The following RRBP1 variants were observed in gnomAD, a reference collection of about 807,000 sequenced individuals.
RRBP1 encodes the protein ribosome binding protein 1.
A neutral mutation model predicts 165.2 loss-of-function variants in RRBP1; 94 were observed. The observed-to-expected ratio is 0.57, with a 90% CI of 0.48 to 0.68. The LOEUF (loss-of-function observed/expected upper bound fraction) is 0.68, where lower values mean the gene tolerates loss of function less well. Ranked by LOEUF, RRBP1 falls within the 30% of genes least tolerant of loss-of-function variation. RRBP1 has a pLI of 0.00. For missense variants in RRBP1, 1,676 were observed against 1,763.0 expected, an observed-to-expected ratio of 0.95 and a Z score of 0.88; for synonymous variants, 680 against 714.5, an observed-to-expected ratio of 0.95 and a Z score of 0.77.
chr20:17,633,486 A>G lies in RRBP1; in HGVS notation c.2584T>C (p.Phe862Leu), dbSNP rs758061276. ...RKALEAKAAA[F>L]EKQVLQLQAS... ...TGCAGCTGCAGGACCTGCTTCTCGA[A>G]GGCAGCTGCCTTGGCTTCCAGAGCT... Residue 862 changes from phenylalanine (F) to leucine (L), a missense_variant, in exon 8 of 25, where the codon TTC becomes CTC. Transcript: ENST00000377813. 2.5e-6 allele frequency: 4 copies of G among 1,613,734 alleles called. No homozygotes were observed. Among genetic ancestry groups the G allele is most frequent in the Admixed American group, 1.7e-5 (1 of 60,002 alleles).
At chr20:17,679,547 A>C (rs1003716807) in intron 2 of RRBP1, among the ~76,000 whole-genome samples, 1 of 152,370 alleles carries the variant, frequency 6.6e-6, no homozygotes, top group East Asian at 1.9e-4. Context: ...AAAGACAAGA[A>C]GAGTCTGGGG....
At chr20:17,633,832 C>G (rs1156335229) in intron 7 of RRBP1, among the ~76,000 whole-genome samples, 3 of 152,244 alleles carry the variant, frequency 2.0e-5, no homozygotes, top group African/African-American at 7.2e-5. Context: ...CCAGAGACAG[C>G]ATAGAGCAAA....
chr20:17,632,838 CCCCTGGGGACAGGGGGACAATCTTCCT>C (rs1486754782), intron 8 of RRBP1, among the ~76,000 whole-genome samples: 3 of 152,128 alleles, frequency 2.0e-5, no homozygotes, highest in Non-Finnish European at 4.4e-5. Context: ...TGCCCGTGTC[CCCCTGGGGACAGGGGGACAATCTTCCT>C]CCCTCTGAAG....
chr20:17,650,841 G>C (rs538879331), intron 3 of RRBP1, among the ~76,000 whole-genome samples: 1 of 152,164 alleles, frequency 6.6e-6, no homozygotes, highest in Non-Finnish European at 1.5e-5. Flanking sequence ...CCAGGTGGGA[G>C]GCAAACCAGC....
Position 17,627,692 on chromosome 20 carries a change from A to G in RRBP1, c.2750-10T>C, listed in dbSNP as rs1391146977. Reference sequence around the variant, plus strand: ...AACTTGCTGTGCAGCTCTGGTGCAGAGGAAGGGAAACGAGAAGTTAAGAGA... The same window carrying G: ...AACTTGCTGTGCAGCTCTGGTGCAGGGGAAGGGAAACGAGAAGTTAAGAGA... On this transcript the variant is annotated splice_polypyrimidine_tract_variant and intron_variant, in intron 9 of 24. Coordinates refer to ENST00000377813, the MANE Select transcript of RRBP1 (RefSeq NM_001365613.2). 3 of 1,577,018 alleles carry G rather than the reference A, an allele frequency of 1.9e-6. No individual in the cohort carries two copies. Among genetic ancestry groups the G allele is most frequent in the Non-Finnish European group, 2.6e-6 (3 of 1,160,090 alleles).
Position 17,629,830 on chromosome 20 carries a change from C to T in RRBP1, c.2742G>A (p.Gln914=), listed in dbSNP as rs2036112652. 3 of 1,597,560 alleles carry T rather than the reference C, an allele frequency of 1.9e-6. No individual in the cohort carries two copies. The highest frequency in any genetic ancestry group is 3.3e-5 in the Admixed American group (2 of 59,928). Reference sequence around the variant, plus strand: ...CACTGCCGCCGCCCTTACCGGCCATCTGCTGCTGTTGCTCCTGGGCCTTCT... The same window carrying T: ...CACTGCCGCCGCCCTTACCGGCCATTTGCTGCTGTTGCTCCTGGGCCTTCT... ...DAEKAQEQQQ[Q]MAELHSKLQS... Residue 914 remains glutamine (Q), a synonymous_variant, in exon 9 of 25, where the codon CAG becomes CAA. Transcript: ENST00000377813.
chr20:17,673,748 C>G (rs1600190675), intron 2 of RRBP1, among the ~76,000 whole-genome samples: 1 of 152,132 alleles, frequency 6.6e-6, no homozygotes, highest in East Asian at 1.9e-4. Context: ...CAGAATAAGT[C>G]TCCAGATCTT....
At chr20:17,618,734 C>A (rs1282445340) in intron 19 of RRBP1, 55 bp from the exon 20 acceptor site, 1 of 1,393,610 alleles carries the variant, frequency 7.2e-7, no homozygotes. Context: ...AAGGAGAAAA[C>A]CAGTCCCCGT....
chr20:17,680,406 G>T (rs1397928246), intron 1 of RRBP1, among the ~76,000 whole-genome samples: 1 of 152,140 alleles, frequency 6.6e-6, no homozygotes, highest in East Asian at 1.9e-4. Flanking sequence ...CCAAATTCCT[G>T]AAAATGCCAT....
chr20:17,664,371 A>G (rs1253487053), intron 2 of RRBP1, among the ~76,000 whole-genome samples: 1 of 152,244 alleles, frequency 6.6e-6, no homozygotes, highest in Non-Finnish European at 1.5e-5. Context: ...TTTCCATTTA[A>G]TATTGTCAGA....
chr20:17,640,368 G>T (rs1430574965), intron 5 of RRBP1, among the ~76,000 whole-genome samples: 1 of 152,242 alleles, frequency 6.6e-6, no homozygotes, highest in African/African-American at 2.4e-5. Context: ...GAGAGCCCCA[G>T]AGGAGTCACG....
chr20:17,647,959 G>T (rs548559175), intron 3 of RRBP1, among the ~76,000 whole-genome samples: 1 of 152,194 alleles, frequency 6.6e-6, no homozygotes. Context: ...CAGGTCTGCT[G>T]TAAGAAGGTG....
At chr20:17,655,333 G>A (rs1248638725) in intron 3 of RRBP1, among the ~76,000 whole-genome samples, 4 of 152,162 alleles carry the variant, frequency 2.6e-5, no homozygotes, top group African/African-American at 4.8e-5. Context: ...GACTTTTGAA[G>A]AGAAAACTAC....
intron 3 of RRBP1, among the ~76,000 whole-genome samples, chr20:17,654,923 G>C (rs547630627): frequency 6.6e-6 from 1 of 152,274 alleles, no homozygotes; most frequent in East Asian, 1.9e-4. Flanking sequence ...CTGGAATTAA[G>C]GAAGTATCAT....
intron 13 of RRBP1, among the ~76,000 whole-genome samples, chr20:17,623,492 C>A (rs2035954072): frequency 6.6e-6 from 1 of 152,216 alleles, no homozygotes; most frequent in African/African-American, 2.4e-5. Flanking sequence ...TCCTGGACAG[C>A]CCAGCACCCC....
intron 3 of RRBP1, among the ~76,000 whole-genome samples, chr20:17,646,601 G>A (rs1051512028): frequency 6.6e-5 from 10 of 152,206 alleles, no homozygotes; most frequent in Non-Finnish European, 1.5e-4. Context: ...CATGCCTGGC[G>A]CAGGGTAACG....
chr20:17,663,356 T>A (rs1789883222), intron 2 of RRBP1, among the ~76,000 whole-genome samples: 1 of 152,252 alleles, frequency 6.6e-6, no homozygotes, highest in Non-Finnish European at 1.5e-5. Flanking sequence ...ACATATTCTC[T>A]GTTGGGACCC....
rs554137443 is a variant in RRBP1, at chr20:17,619,880, G to A, written c.3580-152C>T. The A allele has an allele frequency of 1.9e-3, 1,085 of 570,554 alleles. 11 individuals are homozygous for A. Among genetic ancestry groups the A allele is most frequent in the South Asian group, 0.015 (651 of 44,326 alleles). 35.3% of individuals were successfully genotyped at this position (570,554 alleles called of 1,614,324 possible). On this transcript the variant is annotated intron_variant, in intron 18 of 24. Transcript: ENST00000377813. Reference sequence around the variant, plus strand: ...TACCAAGCAAACGAGAAACTAGTCCGCGGCAAGAGAACCCCTTACGGAAAG... The same window carrying A: ...TACCAAGCAAACGAGAAACTAGTCCACGGCAAGAGAACCCCTTACGGAAAG...
intron 20 of RRBP1, among the ~76,000 whole-genome samples, chr20:17,617,180 C>A (rs2035817789): frequency 6.6e-6 from 1 of 152,174 alleles, no homozygotes; most frequent in South Asian, 2.1e-4. Flanking sequence ...ACTGTCTACA[C>A]CCCCCGTTTC....
Sources: allele counts gnomAD v4.1 joint callset (sites outside exome capture counted in the v4.1 genomes callset), GRCh38; gene constraint gnomAD v4.1.1; transcripts MANE v1.5; gene names NCBI Gene and HGNC (gene_info 2026-07-23, HGNC 2026-07-21).